Variants in TLR3 observed in about 807,000 individuals in gnomAD.
TLR3 encodes the protein toll-like receptor 3.
In TLR3, 43 loss-of-function variants were observed where a neutral mutation model predicts 66.4. The observed-to-expected ratio is 0.65, with a 90% CI of 0.51 to 0.83. TLR3 has a LOEUF of 0.83. TLR3 is among the 40% of genes least tolerant of loss of function. The probability of loss-of-function intolerance (pLI) is 0.00; values close to 1 mark genes in which losing one functional copy is unlikely to be tolerated. For synonymous variants in TLR3, 397 were observed against 397.2 expected (o/e 1.00, Z 0.01); for missense variants, 982 against 1,044.6 (o/e 0.94, Z 0.83).
At chr4:186,070,905 T>C (rs1162532909) in intron 1 of TLR3, among the ~76,000 whole-genome samples, 2 of 152,278 alleles carry the variant, frequency 1.3e-5, no homozygotes, top group East Asian at 3.9e-4. Context: ...GGGGTCTCAC[T>C]ATGTTGCCCA....
intron 1 of TLR3, among the ~76,000 whole-genome samples, chr4:186,075,489 C>T (rs766591317): frequency 2.6e-5 from 4 of 151,800 alleles, no homozygotes; most frequent in South Asian, 2.1e-4. Context: ...AAAAATTAGC[C>T]GGGTGTGGTA....
chr4:186,078,730 TAGAG>T (rs1459581306), intron 2 of TLR3, 106 bp from the exon 3 acceptor site: 21 of 825,782 alleles, frequency 2.5e-5, no homozygotes, highest in Non-Finnish European at 4.2e-5. Flanking sequence ...TACAGAATAA[TAGAG>T]AGGTGTTGAT....
In TLR3 at chr4:186,083,286, A is replaced by G. The variant is rs746428963; in HGVS notation, c.1600A>G (p.Ile534Val). Residue 534 changes from isoleucine to valine, a missense_variant, in exon 4 of 5, where the codon ATT becomes GTT. Physicochemically the swap from Ile to Val is conservative, Grantham distance 29 (BLOSUM62 3). Transcript: ENST00000296795. The surrounding 1 kb of genome is among the most constrained non-coding windows in gnomAD (Gnocchi z 4.0). ...GTTGGAGGGTCTTGAGAAACTAGAAATTCTCGATTTGCAGCATAACAACTT... is the reference window on the plus strand; with the variant it reads ...GTTGGAGGGTCTTGAGAAACTAGAAGTTCTCGATTTGCAGCATAACAACTT... ...DMLEGLEKLE[I>V]LDLQHNNLAR... 6.2e-7 allele frequency: 1 copy of G among 1,614,208 alleles called. No individual in the cohort carries two copies. Among genetic ancestry groups the G allele is most frequent in the Admixed American group, 1.7e-5 (1 of 60,018 alleles).
intron 2 of TLR3, among the ~76,000 whole-genome samples, 164 bp from the exon 3 acceptor site, chr4:186,078,676 T>C (rs2099302880): frequency 6.6e-6 from 1 of 152,210 alleles, no homozygotes; most frequent in Admixed American, 6.5e-5. Flanking sequence ...GTAACAAAGA[T>C]TAATCAGATC....
chr4:186,072,300 A>AT (rs2099301615), intron 1 of TLR3, among the ~76,000 whole-genome samples: 1 of 151,980 alleles, frequency 6.6e-6, no homozygotes, highest in African/African-American at 2.4e-5. Context: ...ACACACTTTT[A>AT]TTTTTTTATT....
chr4:186,080,581 A>C lies in TLR3; in HGVS notation c.633+1550A>C, dbSNP rs1348158387. ...ATATAGTATTTTTAATCAATATTTT[A>C]TTTTATTTTATTTTATTTTATTTTT... On this transcript the variant is annotated intron_variant, in intron 3 of 4. Transcript: ENST00000296795. Among the ~76,000 whole-genome samples, 5 of 150,902 alleles carry C rather than the reference A, an allele frequency of 3.3e-5. No individual in the cohort carries two copies. The East Asian group carries it at 1.1e-3, about 32-fold the overall frequency.
At chr4:186,072,998 G>A (rs973144113) in intron 1 of TLR3, among the ~76,000 whole-genome samples, 1 of 152,118 alleles carries the variant, frequency 6.6e-6, no homozygotes, top group Non-Finnish European at 1.5e-5. Context: ...CATAGCAACG[G>A]AAAAGGCAAT....
At position 186,076,876 on chromosome 4, in the gene TLR3, C is replaced by G. The variant is rs780509930; in HGVS notation, c.257C>G (p.Thr86Ser). ...ACTAGCTTGGATGTAGGATTTAACA[C>G]CATCTCAAAACTGGAGCCAGAATTG... ...QLTSLDVGFN[T>S]ISKLEPELCQ... The change falls in exon 2 of 5, where the codon ACC becomes AGC. Residue 86 changes from threonine (T) to serine (S), a missense_variant. Thr to Ser is a moderately conservative substitution (Grantham distance 58). Transcript: ENST00000296795. 1.9e-6 allele frequency: 3 copies of G among 1,614,164 alleles called. No homozygotes were observed. Among genetic ancestry groups the G allele is most frequent in the Non-Finnish European group, 2.5e-6 (3 of 1,180,036 alleles).
chr4:186,075,632 A>C (rs1289593695), intron 1 of TLR3, among the ~76,000 whole-genome samples: 1 of 152,028 alleles, frequency 6.6e-6, no homozygotes, highest in Non-Finnish European at 1.5e-5. Flanking sequence ...CCTGTCTCTA[A>C]AAATAAATAA....
At chr4:186,078,722 C>A in intron 2 of TLR3, 118 bp from the exon 3 acceptor site, 1 of 782,530 alleles carries the variant, frequency 1.3e-6, no homozygotes, top group Non-Finnish European at 2.1e-6. Context: ...TAGTATTCTA[C>A]AGAATAATAG....
In TLR3 at chr4:186,075,139, G is replaced by T. The variant is rs182296753; in HGVS notation, c.-7-1474G>T. 2.2e-3 allele frequency among the ~76,000 whole-genome samples: 339 copies of T among 152,138 alleles called. 1 individual carries two copies. The highest frequency in any genetic ancestry group is 7.7e-3 in the African/African-American group (321 of 41,494). ...ATTTATTATCATTATCAACTATTAG[G>T]TACTGTAAATAATTATGTGTGCTAT... On this transcript the variant is annotated intron_variant, in intron 1 of 4. Transcript: ENST00000296795.
chr4:186,079,153 C>T, intron 3 of TLR3, 122 bp downstream of exon 3: 1 of 943,552 alleles, frequency 1.1e-6, no homozygotes, highest in East Asian at 2.6e-5. Flanking sequence ...ATCCTTCCCA[C>T]CTACTGCTTG....
In TLR3 at chr4:186,083,373, C is replaced by T. The variant is rs1235908266; in HGVS notation, c.1687C>T (p.His563Tyr). 1.2e-6 allele frequency: 2 copies of T among 1,614,218 alleles called. No individual in the cohort carries two copies. The highest frequency in any genetic ancestry group is 1.1e-5 in the South Asian group (1 of 91,078). ...CATTTATTTCCTAAAGGGTCTGTCT[C>T]ACCTCCACATCCTTAACTTGGAGTC... Reference protein sequence around the residue: ...GPIYFLKGLSHLHILNLESNG... With the variant: ...GPIYFLKGLSYLHILNLESNG... Residue 563 changes from histidine to tyrosine, a missense_variant, in exon 4 of 5, where the codon CAC becomes TAC. His to Tyr is a moderately conservative substitution (Grantham distance 83, BLOSUM62 2). Coordinates refer to ENST00000296795, the MANE Select transcript of TLR3 (RefSeq NM_003265.3). This position sits in a 1 kb window ranked among gnomAD's most constrained non-coding sequence, Gnocchi z 4.0.
intron 1 of TLR3, among the ~76,000 whole-genome samples, chr4:186,074,935 G>A (rs1220746908): frequency 2.0e-5 from 3 of 151,790 alleles, no homozygotes; most frequent in Admixed American, 2.0e-4. Context: ...CTCTTTAGGG[G>A]CCACAACACG....
At position 186,083,448 on chromosome 4, in the gene TLR3, C is replaced by T. The variant is rs767401326; in HGVS notation, c.1762C>T (p.Leu588=). Reference sequence around the variant, plus strand: ...TGAGGTCTTCAAGGATTTATTTGAACTAAAGATCATCGATTTAGGATTGAA... The same window carrying T: ...TGAGGTCTTCAAGGATTTATTTGAATTAAAGATCATCGATTTAGGATTGAA... ...PVEVFKDLFE[L]KIIDLGLNNL... Residue 588 remains leucine, a synonymous_variant, in exon 4 of 5, where the codon CTA becomes TTA. Transcript: ENST00000296795. The surrounding 1 kb of genome is among the most constrained non-coding windows in gnomAD (Gnocchi z 4.0). The T allele has an allele frequency of 6.2e-7, 1 of 1,611,806 alleles. No homozygotes were observed. The highest frequency in any genetic ancestry group is 8.5e-7 in the Non-Finnish European group (1 of 1,178,650).
chr4:186,077,101 A>G (rs775206395), intron 2 of TLR3, 41 bp downstream of exon 2: 11 of 1,577,412 alleles, frequency 7.0e-6, no homozygotes, highest in Middle Eastern at 1.7e-4. Context: ...TTTTTAAGTC[A>G]GTTACCCATC....
chr4:186,069,455 T>A (rs1479678166), intron 1 of TLR3, among the ~76,000 whole-genome samples: 1 of 152,202 alleles, frequency 6.6e-6, no homozygotes, highest in African/African-American at 2.4e-5. Context: ...AGAACACAAG[T>A]AATAGCACCA....
At position 186,085,093 on chromosome 4, in the gene TLR3, A is replaced by C. The variant is rs538660784; in HGVS notation, c.*220A>C. ...TTTACCCAAAATAAAACATATAAGC[A>C]CGTAAGAACATTGTCTACTGATTAA... On this transcript the variant is annotated 3_prime_UTR_variant, in exon 5 of 5. Transcript: ENST00000296795. 3 of 558,264 alleles carry C rather than the reference A, an allele frequency of 5.4e-6. No homozygotes were observed. In the South Asian group the frequency reaches 6.3e-5, roughly 12 times the overall value. 34.6% of individuals were successfully genotyped at this position (558,264 alleles called of 1,614,324 possible).
Position 186,079,029 on chromosome 4 carries a change from G to A in TLR3, c.631G>A (p.Glu211Lys), listed in dbSNP as rs751598279. Residue 211 changes from glutamate to lysine, a missense_variant and splice_region_variant, in exon 3 of 5, where the codon GAG becomes AAG. Coordinates refer to ENST00000296795, the MANE Select transcript of TLR3 (RefSeq NM_003265.3). The stretch of plus-strand genomic sequence containing the variant: ...AGAGTTGTCATCGAATCAAATTAAA[G>A]AGGTAAGAAGTAAGGTAAAATTATT... ...KLELSSNQIK[E>K]FSPGCFHAIG... 6.2e-7 allele frequency: 1 copy of A among 1,612,082 alleles called. No homozygotes were observed. The highest frequency in any genetic ancestry group is 2.2e-5 in the East Asian group (1 of 44,838).
Sources: allele counts gnomAD v4.1 joint callset (sites outside exome capture counted in the v4.1 genomes callset), GRCh38; gene constraint gnomAD v4.1.1; non-coding constraint Gnocchi (gnomAD v3.1); transcripts MANE v1.5; gene names NCBI Gene and HGNC (gene_info 2026-07-23, HGNC 2026-07-21).